Variants in LRMDA observed in about 807,000 individuals in gnomAD.
LRMDA encodes the protein leucine rich melanocyte differentiation associated.
LRMDA carries 18 observed loss-of-function variants against 29.8 expected under a neutral mutation model. That is an observed-to-expected ratio of 0.60 (90% CI 0.42 to 0.90). LRMDA has a LOEUF of 0.90. Among genes scored for constraint, LRMDA ranks in the 40% least tolerant of loss-of-function variants. The probability of loss-of-function intolerance (pLI) is 0.00; values close to 1 mark genes in which losing one functional copy is unlikely to be tolerated. For missense variants in LRMDA, 273 were observed against 273.9 expected, an observed-to-expected ratio of 1.00 and a Z score of 0.02; for synonymous variants, 125 against 109.4, an observed-to-expected ratio of 1.14 and a Z score of -0.89.
chr10:76,528,345 A>C (rs1227062246), intron 6 of LRMDA, among the ~76,000 whole-genome samples: 1 of 152,166 alleles, frequency 6.6e-6, no homozygotes, highest in Non-Finnish European at 1.5e-5. Context: ...TGATGGTTAC[A>C]TCAGATTTAA....
chr10:75,663,935 A>G (rs1841788113), intron 2 of LRMDA, among the ~76,000 whole-genome samples: 1 of 152,198 alleles, frequency 6.6e-6, no homozygotes, highest in Admixed American at 6.5e-5. Flanking sequence ...TCCTTAGAAT[A>G]TACTCAGGGG....
At chr10:75,973,898 C>G (rs1402729466) in intron 2 of LRMDA, among the ~76,000 whole-genome samples, 1 of 152,128 alleles carries the variant, frequency 6.6e-6, no homozygotes, top group African/African-American at 2.4e-5. Context: ...TAGAGTGAAT[C>G]TCTACAAAAG....
At chr10:76,284,270 A>G in intron 5 of LRMDA, among the ~76,000 whole-genome samples, 1 of 152,130 alleles carries the variant, frequency 6.6e-6, no homozygotes, top group East Asian at 1.9e-4. Flanking sequence ...AGGTAAGCAC[A>G]ACGGTTCCGA....
At chr10:75,888,874 G>A (rs1845435563) in intron 2 of LRMDA, among the ~76,000 whole-genome samples, 1 of 152,168 alleles carries the variant, frequency 6.6e-6, no homozygotes, top group Non-Finnish European at 1.5e-5. Context: ...TACTAAGCGG[G>A]TCTTAGACAA....
chr10:75,856,825 T>C (rs1844835825), intron 2 of LRMDA, among the ~76,000 whole-genome samples: 1 of 152,180 alleles, frequency 6.6e-6, no homozygotes, highest in Non-Finnish European at 1.5e-5. Context: ...TTGGAAGTTC[T>C]GGCCAGGGCA....
chr10:76,493,229 C>T (rs1483718541), intron 6 of LRMDA, among the ~76,000 whole-genome samples: 1 of 151,980 alleles, frequency 6.6e-6, no homozygotes, highest in Admixed American at 6.6e-5. Context: ...AAGTTGTTTC[C>T]ACTCTTCCCT....
At chr10:76,461,683 T>C (rs1057014827) in intron 6 of LRMDA, among the ~76,000 whole-genome samples, 15 of 152,172 alleles carry the variant, frequency 9.9e-5, no homozygotes, top group Admixed American at 4.6e-4. Context: ...CAAACTATTA[T>C]GGGAGGCTCT....
At chr10:75,581,904 G>A (rs1840598010) in intron 2 of LRMDA, among the ~76,000 whole-genome samples, 1 of 152,092 alleles carries the variant, frequency 6.6e-6, no homozygotes, top group African/African-American at 2.4e-5. Context: ...TGCACATTCT[G>A]TACATGTACC....
rs11271217 is a variant in LRMDA, at chr10:75,608,129, T to TATATATATACAC, written c.131+169636_131+169637insTATATATACACA. Among the ~76,000 whole-genome samples, 508 of 89,470 alleles carry TATATATATACAC rather than the reference T, an allele frequency of 5.7e-3. 3 individuals are homozygous for TATATATATACAC. The highest frequency in any genetic ancestry group is 0.015 in the African/African-American group (465 of 31,884). The allele number at this position is 89,470 out of a possible 152,430, so 58.7% of individuals were successfully genotyped here. On this transcript the variant is annotated intron_variant, in intron 2 of 6. Coordinates refer to ENST00000611255, the MANE Select transcript of LRMDA (RefSeq NM_001305581.2). ...GTGTGTGTATATATATATATATATA[T>TATATATATACAC]ACACACACATACACAAAGCAATATT...
intron 6 of LRMDA, among the ~76,000 whole-genome samples, chr10:76,479,844 T>A (rs1037398209): frequency 1.3e-5 from 2 of 151,958 alleles, no homozygotes; most frequent in South Asian, 2.1e-4. Context: ...TTGACCTTGC[T>A]TCTCATCCAT....
At chr10:76,309,113 C>T (rs1397294122) in intron 5 of LRMDA, among the ~76,000 whole-genome samples, 9 of 152,034 alleles carry the variant, frequency 5.9e-5, no homozygotes, top group African/African-American at 1.9e-4. Context: ...CTTCCCTTTT[C>T]GAGGCAAAGA....
intron 5 of LRMDA, among the ~76,000 whole-genome samples, chr10:76,130,972 C>T (rs1393991325): frequency 1.3e-5 from 2 of 152,142 alleles, no homozygotes; most frequent in East Asian, 3.9e-4. Context: ...CCCACCTAGC[C>T]TATTGTATAC....
chr10:75,914,509 C>G (rs745719639), intron 2 of LRMDA, among the ~76,000 whole-genome samples: 1 of 152,104 alleles, frequency 6.6e-6, no homozygotes, highest in South Asian at 2.1e-4. Flanking sequence ...TTTTCCAGTT[C>G]TTTCTCCAAA....
intron 5 of LRMDA, among the ~76,000 whole-genome samples, chr10:76,222,595 G>A (rs1851864942): frequency 6.6e-6 from 1 of 152,136 alleles, no homozygotes; most frequent in Non-Finnish European, 1.5e-5. Flanking sequence ...CAGTTAGGAT[G>A]GCAATCATTA....
At chr10:75,938,434 A>C (rs1014352008) in intron 2 of LRMDA, among the ~76,000 whole-genome samples, 3 of 152,200 alleles carry the variant, frequency 2.0e-5, no homozygotes, top group Non-Finnish European at 4.4e-5. Flanking sequence ...GGGAGGACTG[A>C]GGATGGGAGA....
chr10:75,951,518 G>T (rs1475399276), intron 2 of LRMDA, among the ~76,000 whole-genome samples: 1 of 152,170 alleles, frequency 6.6e-6, no homozygotes, highest in African/African-American at 2.4e-5. Context: ...TCTAGCAATG[G>T]AAAGCCCAGA....
chr10:76,415,979 G>A (rs1012378247), intron 6 of LRMDA, among the ~76,000 whole-genome samples: 1 of 152,186 alleles, frequency 6.6e-6, no homozygotes, highest in South Asian at 2.1e-4. Flanking sequence ...TATTTTGTGA[G>A]GCAAGGTCTG....
At chr10:75,500,021 C>A in intron 2 of LRMDA, among the ~76,000 whole-genome samples, 1 of 152,194 alleles carries the variant, frequency 6.6e-6, no homozygotes, top group East Asian at 1.9e-4. Flanking sequence ...GGGTTTAAAT[C>A]AGTGTTTTCT....
chr10:75,540,154 A>G (rs914319954), intron 2 of LRMDA, among the ~76,000 whole-genome samples: 4 of 152,178 alleles, frequency 2.6e-5, no homozygotes, highest in African/African-American at 9.7e-5. Flanking sequence ...GTGCCTCAGA[A>G]GTGGGTGTGG....
Sources: gnomAD v4.1 joint callset for allele counts (sites outside exome capture counted in the v4.1 genomes callset) on GRCh38, gnomAD v4.1.1 for gene constraint, MANE v1.5 for transcripts, NCBI Gene and HGNC (gene_info 2026-07-23, HGNC 2026-07-21) for gene names.